Variants in SPPL2A observed in about 807,000 individuals in gnomAD.
SPPL2A encodes the protein signal peptide peptidase-like 2A.
Under a neutral mutation model 63.8 loss-of-function variants are expected in SPPL2A, and 51 were observed. That is an observed-to-expected ratio of 0.80 (90% CI 0.64 to 1.01). The LOEUF (loss-of-function observed/expected upper bound fraction) is 1.01, where lower values mean the gene tolerates loss of function less well. Among genes scored for constraint, SPPL2A ranks in the 50% least tolerant of loss-of-function variants. The probability of loss-of-function intolerance (pLI) is 0.00; values close to 1 mark genes in which losing one functional copy is unlikely to be tolerated. For synonymous variants in SPPL2A, 188 were observed against 205.8 expected, an observed-to-expected ratio of 0.91 and a Z score of 0.74; for missense variants, 553 against 622.7, an observed-to-expected ratio of 0.89 and a Z score of 1.19.
intron 10 of SPPL2A, among the ~76,000 whole-genome samples, chr15:50,726,929 C>T (rs983523410): frequency 6.6e-6 from 1 of 152,234 alleles, no homozygotes; most frequent in Non-Finnish European, 1.5e-5. Flanking sequence ...ATCTGAGAAG[C>T]TTCTCTAGCC....
chr15:50,757,100 T>TTTTTTTTTTTTTTTTG (rs1596399662), intron 1 of SPPL2A, among the ~76,000 whole-genome samples: 1 of 149,462 alleles, frequency 6.7e-6, no homozygotes, highest in African/African-American at 2.5e-5. Context: ...TTTTTTTTTT[T>TTTTTTTTTTTTTTTTG]GAGACAGAGT....
At chr15:50,723,929 T>C (rs909532245) in intron 12 of SPPL2A, among the ~76,000 whole-genome samples, 3 of 152,210 alleles carry the variant, frequency 2.0e-5, no homozygotes, top group African/African-American at 7.2e-5. Flanking sequence ...GAAATATTTT[T>C]GTTTTAGACC....
At chr15:50,753,002 T>C (rs1345910738) in intron 1 of SPPL2A, among the ~76,000 whole-genome samples, 1 of 152,120 alleles carries the variant, frequency 6.6e-6, no homozygotes, top group Non-Finnish European at 1.5e-5. Context: ...AGATATAGTA[T>C]GCAAAAGCAC....
intron 14 of SPPL2A, among the ~76,000 whole-genome samples, chr15:50,718,791 C>A (rs1158111195): frequency 6.6e-6 from 1 of 151,956 alleles, no homozygotes; most frequent in East Asian, 1.9e-4. Context: ...CATGAAAGAC[C>A]AAGCACAAGA....
At chr15:50,726,447 T>C (rs1175361010) in intron 10 of SPPL2A, 70 bp from the exon 11 acceptor site, 3 of 1,431,726 alleles carry the variant, frequency 2.1e-6, no homozygotes, top group Non-Finnish European at 2.9e-6. Flanking sequence ...TCAAGTGTGA[T>C]TTAAGCCCCA....
intron 9 of SPPL2A, among the ~76,000 whole-genome samples, chr15:50,732,090 A>G (rs12915052): frequency 0.25 from 37,718 of 151,866 alleles, 5,667 homozygotes; most frequent in East Asian, 0.54. Context: ...CCCTATCTCT[A>G]CAAAACCAAA....
In SPPL2A at chr15:50,710,126, G is replaced by A. The variant is rs77144616; in HGVS notation, c.1489-2252C>T. ...GGGTCTAAGAGATTAGGGCTGTGTA[G>A]AGAGAAAATTGAAGCAGCCTCAGCA... is the stretch of plus-strand genomic sequence containing the variant. On this transcript the variant is annotated intron_variant, in intron 14 of 14. Coordinates refer to ENST00000261854, the MANE Select transcript of SPPL2A (RefSeq NM_032802.4). Among the ~76,000 whole-genome samples, 507 of 152,288 alleles carry A rather than the reference G, an allele frequency of 3.3e-3. 2 individuals are homozygous for A. Among genetic ancestry groups the A allele is most frequent in the African/African-American group, 0.012 (482 of 41,554 alleles).
At chr15:50,713,043 G>A (rs1347778388) in intron 14 of SPPL2A, among the ~76,000 whole-genome samples, 1 of 151,984 alleles carries the variant, frequency 6.6e-6, no homozygotes, top group Non-Finnish European at 1.5e-5. Flanking sequence ...TTATGGATGA[G>A]GAGACAGTCT....
chr15:50,716,504 A>G (rs2062600467), intron 14 of SPPL2A, among the ~76,000 whole-genome samples: 1 of 152,198 alleles, frequency 6.6e-6, no homozygotes, highest in Admixed American at 6.5e-5. Flanking sequence ...CTATAAGCAT[A>G]TATTTTTAAT....
chr15:50,762,549 G>A (rs1255349931), intron 1 of SPPL2A, among the ~76,000 whole-genome samples: 2 of 152,120 alleles, frequency 1.3e-5, no homozygotes, highest in Non-Finnish European at 2.9e-5. Flanking sequence ...CTGATGTGAA[G>A]ATGACAAGAT....
chr15:50,711,374 T>A (rs1228381750), intron 14 of SPPL2A, among the ~76,000 whole-genome samples: 1 of 151,908 alleles, frequency 6.6e-6, no homozygotes, highest in Non-Finnish European at 1.5e-5. Context: ...CACGCCTGGA[T>A]AATTTTTTGT....
Position 50,755,627 on chromosome 15 carries a change from CAAAAAAAA to C in SPPL2A, c.67-5889_67-5882del, listed in dbSNP as rs148415568. Among the ~76,000 whole-genome samples the C allele has an allele frequency of 3.7e-3, 184 of 49,540 alleles. 2 individuals are homozygous for C. The highest frequency in any genetic ancestry group is 0.016 in the African/African-American group (172 of 10,716). The allele number at this position is 49,540 out of a possible 152,430, so 32.5% of individuals were successfully genotyped here. On this transcript the variant is annotated intron_variant, in intron 1 of 14. Transcript: ENST00000261854. ...TAGGTGACAGAAGGACACCCTGTCT[CAAAAAAAA>C]AAAAAAAAAAAAAAAAAAAAAGAAG... is the stretch of plus-strand genomic sequence containing the variant.
At chr15:50,742,322 G>A (rs899908781) in intron 5 of SPPL2A, among the ~76,000 whole-genome samples, 1 of 152,040 alleles carries the variant, frequency 6.6e-6, no homozygotes, top group Non-Finnish European at 1.5e-5. Context: ...CCCAGGAGGC[G>A]GAGGTTGCAG....
intron 1 of SPPL2A, among the ~76,000 whole-genome samples, chr15:50,750,415 A>C (rs2062896491): frequency 6.6e-6 from 1 of 152,162 alleles, no homozygotes; most frequent in Non-Finnish European, 1.5e-5. Flanking sequence ...TGTACTCAAA[A>C]TCCATCAATC....
At chr15:50,761,925 C>T (rs796124557) in intron 1 of SPPL2A, among the ~76,000 whole-genome samples, 5 of 151,880 alleles carry the variant, frequency 3.3e-5, no homozygotes, top group African/African-American at 9.6e-5. Flanking sequence ...GAGCAAGACT[C>T]CATCTCAACA....
At chr15:50,761,612 A>G (rs909040412) in intron 1 of SPPL2A, among the ~76,000 whole-genome samples, 1 of 151,734 alleles carries the variant, frequency 6.6e-6, no homozygotes, top group African/African-American at 2.4e-5. Context: ...GTGAAACTCC[A>G]TCTCAAAAAA....
intron 14 of SPPL2A, among the ~76,000 whole-genome samples, chr15:50,709,087 G>A (rs1038267388): frequency 6.6e-6 from 1 of 151,764 alleles, no homozygotes; most frequent in Non-Finnish European, 1.5e-5. Flanking sequence ...GGTCACTTCA[G>A]CTCTGCCTAT....
In SPPL2A at chr15:50,747,501, A is replaced by G; in HGVS notation, c.578T>C (p.Val193Ala). Reference sequence around the variant, plus strand: ...TTAAGTTAATTAAACTTACAATTCAACTAGTCCACTCCAGTATCCACCTAA... The same window carrying G: ...TTAAGTTAATTAAACTTACAATTCAGCTAGTCCACTCCAGTATCCACCTAA... ...VALGGYWSGL[V>A]ELENLKAVTT... The change falls in exon 5 of 15, where the codon GTT becomes GCT. Residue 193 changes from valine (V) to alanine (A), a missense_variant. Transcript: ENST00000261854. The G allele has an allele frequency of 6.2e-7, 1 of 1,603,110 alleles. No homozygotes were observed. Among genetic ancestry groups the G allele is most frequent in the Non-Finnish European group, 8.5e-7 (1 of 1,177,238 alleles).
At chr15:50,732,450 C>G (rs1000051161) in intron 9 of SPPL2A, among the ~76,000 whole-genome samples, 153 bp downstream of exon 9, 1 of 152,132 alleles carries the variant, frequency 6.6e-6, no homozygotes, top group Non-Finnish European at 1.5e-5. Flanking sequence ...TCTACAACTT[C>G]ACTGGGATAG....
Sources: allele counts gnomAD v4.1 joint callset (sites outside exome capture counted in the v4.1 genomes callset), GRCh38; gene constraint gnomAD v4.1.1; transcripts MANE v1.5; gene names NCBI Gene and HGNC (gene_info 2026-07-23, HGNC 2026-07-21).